The following TGFB2 variants were observed in gnomAD, a reference collection of about 807,000 sequenced individuals.
TGFB2 encodes transforming growth factor beta 2.
Under a neutral mutation model 42.7 loss-of-function variants are expected in TGFB2, and 13 were observed. The observed-to-expected ratio is 0.30, with a 90% CI of 0.20 to 0.48. The LOEUF is 0.48. Ranked by LOEUF, TGFB2 falls within the 20% of genes least tolerant of loss-of-function variation. The pLI is 0.99. For missense variants in TGFB2, 390 were observed against 517.5 expected, an observed-to-expected ratio of 0.75 and a Z score of 2.39; for synonymous variants, 193 against 193.6, an observed-to-expected ratio of 1.00 and a Z score of 0.03.
chr1:218,427,116 C>A (rs1006388867), intron 2 of TGFB2, among the ~76,000 whole-genome samples: 5 of 152,062 alleles, frequency 3.3e-5, no homozygotes, highest in African/African-American at 9.7e-5. Flanking sequence ...ATAAAATATA[C>A]ATAATATAAA....
intron 1 of TGFB2, among the ~76,000 whole-genome samples, chr1:218,357,028 A>G (rs1657057243): frequency 6.6e-6 from 1 of 151,906 alleles, no homozygotes; most frequent in Admixed American, 6.6e-5. Flanking sequence ...CCTGGCCAAT[A>G]TGGTGAAACC....
At chr1:218,396,684 G>C (rs1322612027) in intron 1 of TGFB2, among the ~76,000 whole-genome samples, 2 of 151,958 alleles carry the variant, frequency 1.3e-5, no homozygotes, top group African/African-American at 2.4e-5. Flanking sequence ...CCCTTCTTCA[G>C]TCTGAGTACT....
At chr1:218,389,702 A>C (rs1658260293) in intron 1 of TGFB2, among the ~76,000 whole-genome samples, 1 of 152,220 alleles carries the variant, frequency 6.6e-6, no homozygotes, top group African/African-American at 2.4e-5. Context: ...TACGTTCTTT[A>C]TTGGTAACCT....
chr1:218,354,737 G>A (rs1166597559), intron 1 of TGFB2, among the ~76,000 whole-genome samples: 1 of 152,178 alleles, frequency 6.6e-6, no homozygotes, highest in Non-Finnish European at 1.5e-5. Context: ...ATCCATGGAA[G>A]AATGGTGGCT....
rs1211847994 is a variant in TGFB2 at position 218,443,776 on chromosome 1, G to A, written c.*2414G>A. ...TTCCCATAAGTAAATATTGCCATGG[G>A]AGGGGGGTGGAGGTGGCAAGGAAGG... is the stretch of plus-strand genomic sequence containing the variant. On this transcript the variant is annotated 3_prime_UTR_variant, in exon 7 of 7. Coordinates refer to ENST00000366930, the MANE Select transcript of TGFB2 (RefSeq NM_003238.6). The A allele has an allele frequency of 1.3e-5, 2 of 151,558 alleles. No homozygotes were observed. Among genetic ancestry groups the A allele is most frequent in the African/African-American group, 4.9e-5 (2 of 41,162 alleles). The allele number at this position is 151,558 out of a possible 1,614,324, so 9.4% of individuals were successfully genotyped here.
At chr1:218,398,424 A>G (rs1558244745) in intron 1 of TGFB2, among the ~76,000 whole-genome samples, 1 of 152,212 alleles carries the variant, frequency 6.6e-6, no homozygotes. Flanking sequence ...GAAGGGCTGA[A>G]CCCTAGACAT....
intron 1 of TGFB2, among the ~76,000 whole-genome samples, chr1:218,392,791 T>A (rs1658360517): frequency 6.6e-6 from 1 of 152,240 alleles, no homozygotes; most frequent in Non-Finnish European, 1.5e-5. Context: ...CATGTATTCC[T>A]CTTCGTATTT....
At chr1:218,431,961 A>C (rs1316074092) in intron 2 of TGFB2, among the ~76,000 whole-genome samples, 2 of 152,222 alleles carry the variant, frequency 1.3e-5, no homozygotes, top group Non-Finnish European at 2.9e-5. Flanking sequence ...TTATGCCAAC[A>C]TTCATTGTGT....
At chr1:218,359,840 C>A (rs1309027995) in intron 1 of TGFB2, among the ~76,000 whole-genome samples, 1 of 152,166 alleles carries the variant, frequency 6.6e-6, no homozygotes, top group African/African-American at 2.4e-5. Context: ...ATTTGTAAGA[C>A]ATCTAATTTT....
At chr1:218,365,770 G>A (rs1217312762) in intron 1 of TGFB2, among the ~76,000 whole-genome samples, 1 of 151,890 alleles carries the variant, frequency 6.6e-6, no homozygotes, top group Non-Finnish European at 1.5e-5. Flanking sequence ...ATTTCTCCAT[G>A]CTGAGTGTGA....
chr1:218,424,283 A>G (rs1659550799), intron 2 of TGFB2, among the ~76,000 whole-genome samples: 1 of 152,250 alleles, frequency 6.6e-6, no homozygotes, highest in Non-Finnish European at 1.5e-5. Flanking sequence ...TGTGGCTCCG[A>G]AGAGTAGCTT....
intron 2 of TGFB2, among the ~76,000 whole-genome samples, chr1:218,406,138 C>T (rs1658903064): frequency 6.6e-6 from 1 of 151,650 alleles, no homozygotes; most frequent in South Asian, 2.1e-4. Flanking sequence ...TTAACTTTAT[C>T]CCGTTTCCTT....
intron 1 of TGFB2, among the ~76,000 whole-genome samples, chr1:218,372,786 G>A (rs951644880): frequency 2.6e-5 from 4 of 152,250 alleles, no homozygotes; most frequent in African/African-American, 9.6e-5. Flanking sequence ...ATCACCTGGG[G>A]AGCACTTAAC....
intron 1 of TGFB2, among the ~76,000 whole-genome samples, chr1:218,397,379 C>A (rs1463209688): frequency 1.3e-5 from 2 of 151,362 alleles, no homozygotes; most frequent in Admixed American, 6.6e-5. Context: ...CTGGCTAACA[C>A]GGTGAAACCC....
chr1:218,397,285 C>T (rs1658551410), intron 1 of TGFB2, among the ~76,000 whole-genome samples: 5 of 145,072 alleles, frequency 3.4e-5, no homozygotes, highest in South Asian at 4.3e-4. Context: ...AAAAAAAGGC[C>T]GGGCGCGGTG....
At chr1:218,368,507 A>G (rs1392883639) in intron 1 of TGFB2, among the ~76,000 whole-genome samples, 4 of 152,262 alleles carry the variant, frequency 2.6e-5, no homozygotes, top group Admixed American at 2.0e-4. Context: ...TTGAATAGCA[A>G]AAATCCTTGC....
chr1:218,366,369 T>G (rs1398284629), intron 1 of TGFB2, among the ~76,000 whole-genome samples: 1 of 152,240 alleles, frequency 6.6e-6, no homozygotes, highest in Non-Finnish European at 1.5e-5. Flanking sequence ...TGTGGTAGCA[T>G]GATCATAGCT....
chr1:218,437,979 G>A (rs1276147016), intron 6 of TGFB2, among the ~76,000 whole-genome samples: 1 of 151,974 alleles, frequency 6.6e-6, no homozygotes, highest in Non-Finnish European at 1.5e-5. Flanking sequence ...TTCCTCATTT[G>A]GGGAACATTC....
intron 1 of TGFB2, among the ~76,000 whole-genome samples, chr1:218,381,835 G>A (rs908757110): frequency 4.1e-4 from 61 of 150,046 alleles, no homozygotes; most frequent in African/African-American, 1.4e-3. Flanking sequence ...GTGTAGGGGT[G>A]TGTGTGTGTG....
Sources: allele counts gnomAD v4.1 joint callset (sites outside exome capture counted in the v4.1 genomes callset), GRCh38; gene constraint gnomAD v4.1.1; transcripts MANE v1.5; gene names NCBI Gene and HGNC (gene_info 2026-07-23, HGNC 2026-07-21).